PAH: variants seen among roughly 807,000 people sequenced by gnomAD.
The protein encoded by PAH is phenylalanine-4-hydroxylase.
PAH carries 64 observed loss-of-function variants against 62.0 expected under a neutral mutation model. That is an observed-to-expected ratio of 1.03 (90% CI 0.84 to 1.27). PAH has a LOEUF of 1.27. Among genes scored for constraint, PAH ranks in the 50% most tolerant of loss-of-function variants. The probability of loss-of-function intolerance (pLI) is 0.00; values close to 1 mark genes in which losing one functional copy is unlikely to be tolerated. For missense variants in PAH, 579 were observed against 542.8 expected (o/e 1.07, Z -0.66); for synonymous variants, 195 against 196.2 (o/e 0.99, Z 0.05).
chr12:102,918,055 C>CTGGGGAGCTA (rs1592991801), upstream of PAH, among the ~76,000 whole-genome samples: 2 of 152,208 alleles, frequency 1.3e-5, no homozygotes, highest in East Asian at 3.8e-4. Context: ...CCCAGCTATG[C>CTGGGGAGCTA]TGCCATTCTG....
intron 3 of PAH, among the ~76,000 whole-genome samples, chr12:102,892,265 T>A (rs999390583): frequency 6.6e-6 from 1 of 152,190 alleles, no homozygotes; most frequent in Non-Finnish European, 1.5e-5. Context: ...ACGGGGTGGA[T>A]CTTGTCTCAT....
At chr12:102,878,651 G>A (rs772122316) in intron 3 of PAH, among the ~76,000 whole-genome samples, 4 of 150,806 alleles carry the variant, frequency 2.7e-5, no homozygotes, top group Non-Finnish European at 4.4e-5. Flanking sequence ...AAGAGAGGGA[G>A]GGAAGAAAAG....
chr12:102,895,770 G>T lies in PAH; in HGVS notation c.169-852C>A, dbSNP rs1013931676. Among the ~76,000 whole-genome samples the T allele has an allele frequency of 1.8e-4, 27 of 150,558 alleles. 1 individual carries two copies. The highest frequency in any genetic ancestry group is 6.6e-4 in the African/African-American group (27 of 40,928). On this transcript the variant is annotated intron_variant, in intron 2 of 12. Transcript: ENST00000553106. Reference sequence around the variant, plus strand: ...CTTGGGAGGCTGAGACAGGGGAATTGCTTGAACCACGGAGGTGGAAGTTGC... The same window carrying T: ...CTTGGGAGGCTGAGACAGGGGAATTTCTTGAACCACGGAGGTGGAAGTTGC...
chr12:102,944,107 A>C (rs1879399643), intron 1 of PAH, among the ~76,000 whole-genome samples: 1 of 152,190 alleles, frequency 6.6e-6, no homozygotes, highest in African/African-American at 2.4e-5. Flanking sequence ...CATGCCTATA[A>C]GGTTTCCACT....
At chr12:102,900,112 T>G (rs1346134285) in intron 2 of PAH, among the ~76,000 whole-genome samples, 2 of 143,690 alleles carry the variant, frequency 1.4e-5, no homozygotes, top group Non-Finnish European at 3.0e-5. Flanking sequence ...TGCAGTGGCG[T>G]GATCTCGGCT....
Position 102,891,705 on chromosome 12 carries a change from G to A in PAH, c.352+3030C>T, listed in dbSNP as rs575766043. Among the ~76,000 whole-genome samples, 11 of 152,198 alleles carry A rather than the reference G, an allele frequency of 7.2e-5. No homozygotes were observed. The South Asian group carries it at 1.0e-3, about 14-fold the overall frequency. ...CAAAGTCACACCGAGTGTGGTCGCC[G>A]TGCTTCCTGAATCTGCACTCTTAAC... On this transcript the variant is annotated intron_variant, in intron 3 of 12. Transcript: ENST00000553106.
chr12:102,939,063 T>C (rs563078574), intron 1 of PAH, among the ~76,000 whole-genome samples: 1 of 152,194 alleles, frequency 6.6e-6, no homozygotes, highest in African/African-American at 2.4e-5. Context: ...TCAGCCACCA[T>C]ACAGAGAGGA....
intron 4 of PAH, among the ~76,000 whole-genome samples, chr12:102,875,322 T>C (rs1876517708): frequency 6.6e-6 from 1 of 152,174 alleles, no homozygotes; most frequent in Admixed American, 6.6e-5. Context: ...GAGAAAAATG[T>C]CCATCTCTTT....
chr12:102,925,045 A>G (rs34732688), intron 1 of PAH, among the ~76,000 whole-genome samples: 22,858 of 152,190 alleles, frequency 0.15, 1,784 homozygotes, highest in African/African-American at 0.16. Context: ...CTTCTTTCGC[A>G]TGGAAATGGA....
intron 2 of PAH, among the ~76,000 whole-genome samples, chr12:102,909,138 T>C (rs1046834932): frequency 6.6e-6 from 1 of 152,204 alleles, no homozygotes; most frequent in African/African-American, 2.4e-5. Flanking sequence ...CTAGTCTTCA[T>C]GCCTCTTTAA....
At chr12:102,904,694 A>G (rs762132821) in intron 2 of PAH, 1 of 472,938 alleles carries the variant, frequency 2.1e-6, no homozygotes, top group East Asian at 5.6e-5. Flanking sequence ...ATTTCATTTT[A>G]TAGGGTCCAG....
At chr12:102,896,135 C>T (rs943828934) in intron 2 of PAH, among the ~76,000 whole-genome samples, 1 of 152,084 alleles carries the variant, frequency 6.6e-6, no homozygotes, top group African/African-American at 2.4e-5. Flanking sequence ...AGCAAATGGG[C>T]ATTCCTGAGA....
chr12:102,924,958 G>A (rs1878647443), intron 1 of PAH, among the ~76,000 whole-genome samples: 1 of 152,272 alleles, frequency 6.6e-6, no homozygotes, highest in Admixed American at 6.5e-5. Context: ...TTACACTGAT[G>A]TTCAGGAATT....
intron 3 of PAH, among the ~76,000 whole-genome samples, chr12:102,890,653 G>A (rs959357734): frequency 2.0e-5 from 3 of 152,206 alleles, no homozygotes; most frequent in Non-Finnish European, 4.4e-5. Context: ...TAGGGAAAAT[G>A]TCATCCCACT....
chr12:102,929,829 G>A (rs1287603524), intron 1 of PAH, among the ~76,000 whole-genome samples: 1 of 152,128 alleles, frequency 6.6e-6, no homozygotes, highest in Admixed American at 6.5e-5. Flanking sequence ...TGAGAAACAG[G>A]TCAAAGATGA....
intron 2 of PAH, among the ~76,000 whole-genome samples, chr12:102,902,979 G>A (rs544317204): frequency 6.9e-4 from 105 of 152,316 alleles, no homozygotes; most frequent in Non-Finnish European, 1.2e-3. Context: ...GCTTAATCTG[G>A]CTCAGCTCAC....
chr12:102,861,514 A>G (rs1025190601), intron 5 of PAH, among the ~76,000 whole-genome samples: 7 of 152,208 alleles, frequency 4.6e-5, no homozygotes, highest in Non-Finnish European at 1.0e-4. Context: ...TCATGCTGCT[A>G]TAAAGACACA....
At chr12:102,927,105 A>C (rs1432206419) in intron 1 of PAH, among the ~76,000 whole-genome samples, 1 of 152,078 alleles carries the variant, frequency 6.6e-6, no homozygotes. Context: ...ACTTAGGGGC[A>C]GAGAAGGCTC....
At chr12:102,928,392 A>G (rs1522301) in intron 1 of PAH, among the ~76,000 whole-genome samples, 150,590 of 152,268 alleles carry the variant, frequency 0.99, 74,468 homozygotes, top group East Asian at 1. Context: ...TGTGGATGAG[A>G]AGTCTGAGAT....
Sources: gnomAD v4.1 joint callset for allele counts (sites outside exome capture counted in the v4.1 genomes callset) on GRCh38, gnomAD v4.1.1 for gene constraint, MANE v1.5 for transcripts, NCBI Gene and HGNC (gene_info 2026-07-23, HGNC 2026-07-21) for gene names.